Variants in FAM168B observed in about 807,000 individuals in gnomAD.
FAM168B encodes myelin-associated neurite-outgrowth inhibitor.
Under a neutral mutation model 21.8 loss-of-function variants are expected in FAM168B, and 19 were observed. The ratio of observed to expected loss-of-function variants is 0.87; its 90% CI spans 0.61 to 1.28. The LOEUF is 1.28. Ranked by LOEUF, FAM168B falls within the 50% of genes most tolerant of loss-of-function variation. The pLI, the probability that FAM168B is intolerant of heterozygous loss-of-function variation, is 0.00. For synonymous variants in FAM168B, 126 were observed against 104.8 expected, an observed-to-expected ratio of 1.20 and a Z score of -1.24; for missense variants, 233 against 263.1, an observed-to-expected ratio of 0.89 and a Z score of 0.79.
chr2:131,079,008 T>C (rs1693304984), intron 2 of FAM168B, among the ~76,000 whole-genome samples: 1 of 151,538 alleles, frequency 6.6e-6, no homozygotes. Context: ...AAAAAATTAT[T>C]TTGACAGAAA....
intron 6 of FAM168B, 47 bp from the exon 7 acceptor site, chr2:131,052,499 A>G: frequency 9.9e-7 from 1 of 1,011,952 alleles, no homozygotes; most frequent in Non-Finnish European, 1.2e-6. Context: ...CTCTTCCGGC[A>G]CCGCTATTCC....
intron 1 of FAM168B, among the ~76,000 whole-genome samples, chr2:131,084,271 C>T (rs1693573376): frequency 7.2e-6 from 1 of 138,062 alleles, no homozygotes; most frequent in African/African-American, 2.7e-5. Context: ...CTCACTGCAA[C>T]CTTGACCTCC....
rs149056011 is a variant in FAM168B at position 131,071,023 on chromosome 2, A to G, written c.154+832T>C. Reference sequence around the variant, plus strand: ...TCAGGGTGTGAACTACGGTCTGAACAAGGGTGGTCATATAGGGTCATAGTG... The same window carrying G: ...TCAGGGTGTGAACTACGGTCTGAACGAGGGTGGTCATATAGGGTCATAGTG... On this transcript the variant is annotated intron_variant, in intron 3 of 6. Transcript: ENST00000389915. Among the ~76,000 whole-genome samples, 661 of 152,348 alleles carry G rather than the reference A, an allele frequency of 4.3e-3. 5 individuals are homozygous for G. Among genetic ancestry groups the G allele is most frequent in the African/African-American group, 0.015 (608 of 41,574 alleles).
At chr2:131,088,708 AAG>A (rs1284800909) in intron 1 of FAM168B, among the ~76,000 whole-genome samples, 2 of 152,260 alleles carry the variant, frequency 1.3e-5, no homozygotes, top group Non-Finnish European at 1.5e-5. Flanking sequence ...TTTCTACAAA[AAG>A]AGCAAATAAT....
At position 131,049,293 on chromosome 2, in the gene FAM168B, C is replaced by A. The variant is rs974608773; in HGVS notation, c.*3172G>T. The A allele has an allele frequency of 3.2e-5, 32 of 985,428 alleles. No homozygotes were observed. In the African/African-American group the frequency reaches 5.6e-4, roughly 17 times the overall value. The allele number at this position is 985,428 out of a possible 1,614,324, so 61.0% of individuals were successfully genotyped here. A position where few individuals can be genotyped will look rare whatever the true frequency, so the allele number is the denominator to read the frequency against. ...CAGCTGGGGAAGGGCAAGACACTCA[C>A]TGACCAGGTGCCCACCCCAAGGCTC... is the stretch of plus-strand genomic sequence containing the variant. On this transcript the variant is annotated 3_prime_UTR_variant, in exon 7 of 7. Transcript: ENST00000389915.
Position 131,082,635 on chromosome 2 carries a change from A to C in FAM168B, c.12T>G (p.Val4=). ...GAACCCCAGAAGATCCAGGACTATAAACAGGATTCATGATTTCAAAAACTA... is the reference window on the plus strand; with the variant it reads ...GAACCCCAGAAGATCCAGGACTATACACAGGATTCATGATTTCAAAAACTA... MNP[V]YSPGSSGVPY... is the part of the protein sequence containing the mutation. Residue 4 remains valine (V), a synonymous_variant, in exon 2 of 7, where the codon GTT becomes GTG. Coordinates refer to ENST00000389915, the MANE Select transcript of FAM168B (RefSeq NM_001009993.4). 6.2e-7 allele frequency: 1 copy of C among 1,605,428 alleles called. No individual in the cohort carries two copies. Among genetic ancestry groups the C allele is most frequent in the Non-Finnish European group, 8.5e-7 (1 of 1,177,150 alleles).
chr2:131,084,323 G>A (rs1693575473), intron 1 of FAM168B, among the ~76,000 whole-genome samples: 1 of 151,114 alleles, frequency 6.6e-6, no homozygotes, highest in South Asian at 2.1e-4. Flanking sequence ...CCTAGGAGCT[G>A]GGACTACAGG....
At chr2:131,090,965 C>T (rs1415588073) in intron 1 of FAM168B, among the ~76,000 whole-genome samples, 1 of 152,194 alleles carries the variant, frequency 6.6e-6, no homozygotes, top group Admixed American at 6.5e-5. Flanking sequence ...CACCTGACCT[C>T]GTGATATGCC....
At chr2:131,092,717 G>A (rs1694095817) in intron 1 of FAM168B, among the ~76,000 whole-genome samples, 1 of 152,106 alleles carries the variant, frequency 6.6e-6, no homozygotes, top group Non-Finnish European at 1.5e-5. Flanking sequence ...GCTAGGCCAC[G>A]AAACGTCCTT....
intron 3 of FAM168B, among the ~76,000 whole-genome samples, chr2:131,060,314 G>A (rs983290168): frequency 3.3e-5 from 5 of 152,270 alleles, no homozygotes; most frequent in East Asian, 1.9e-4. Context: ...GTGAGCCACC[G>A]CGCCCGGCCG....
intron 3 of FAM168B, among the ~76,000 whole-genome samples, chr2:131,067,952 G>A (rs1011804162): frequency 5.3e-5 from 8 of 152,116 alleles, no homozygotes; most frequent in Non-Finnish European, 7.3e-5. Context: ...GGGATGCTGC[G>A]TTGGGAAAAT....
In FAM168B at chr2:131,055,769, G is replaced by A. The variant is rs1276165925; in HGVS notation, c.155-74C>T. 1.6e-5 allele frequency: 25 copies of A among 1,547,460 alleles called. No homozygotes were observed. The East Asian group carries it at 5.0e-4, about 31-fold the overall frequency. ...GCAGGGAGAGGACACAGGCAGGGAG[G>A]AGCTAAGCTGCGTGTCAGCCCCACG... On this transcript the variant is annotated intron_variant, in intron 3 of 6. Coordinates refer to ENST00000389915, the MANE Select transcript of FAM168B (RefSeq NM_001009993.4).
At chr2:131,078,258 A>G (rs557397858) in intron 2 of FAM168B, among the ~76,000 whole-genome samples, 26 of 152,352 alleles carry the variant, frequency 1.7e-4, no homozygotes, top group African/African-American at 6.0e-4. Context: ...ACTCAGTAGT[A>G]TGTTGGAAAA....
chr2:131,067,886 A>G (rs2105508819), intron 3 of FAM168B, among the ~76,000 whole-genome samples: 1 of 152,316 alleles, frequency 6.6e-6, no homozygotes, highest in Admixed American at 6.5e-5. Context: ...AGGGAGTTAT[A>G]AAATTCAAAA....
At position 131,050,499 on chromosome 2, in the gene FAM168B, C is replaced by T. The variant is rs1691596859; in HGVS notation, c.*1966G>A. ...TGTGCCTGCGGTAAATGTCTGCCCC[C>T]ACACATAGACACTAAGATGGATTAA... is the stretch of plus-strand genomic sequence containing the variant. On this transcript the variant is annotated 3_prime_UTR_variant, in exon 7 of 7. Transcript: ENST00000389915. 2.0e-6 allele frequency: 2 copies of T among 985,758 alleles called. No individual in the cohort carries two copies. The highest frequency in any genetic ancestry group is 2.4e-6 in the Non-Finnish European group (2 of 829,938). The allele number at this position is 985,758 out of a possible 1,614,324, so 61.1% of individuals were successfully genotyped here.
At chr2:131,074,138 CT>C (rs144312207) in intron 2 of FAM168B, among the ~76,000 whole-genome samples, 2 of 151,246 alleles carry the variant, frequency 1.3e-5, no homozygotes, top group African/African-American at 2.4e-5. Flanking sequence ...AGTATTCTCT[CT>C]TTTTTTTTGA....
At chr2:131,088,966 T>C (rs1229973718) in intron 1 of FAM168B, among the ~76,000 whole-genome samples, 1 of 83,954 alleles carries the variant, frequency 1.2e-5, no homozygotes, top group African/African-American at 1.1e-4. Flanking sequence ...AGCGTACCAC[T>C]TTTTTTTTTT....
At chr2:131,083,399 G>C (rs1320491534) in intron 1 of FAM168B, among the ~76,000 whole-genome samples, 2 of 152,164 alleles carry the variant, frequency 1.3e-5, no homozygotes, top group African/African-American at 4.8e-5. Context: ...AATTAGCCAA[G>C]TGTGGTGACG....
At chr2:131,080,869 T>G (rs1693397983) in intron 2 of FAM168B, among the ~76,000 whole-genome samples, 1 of 151,682 alleles carries the variant, frequency 6.6e-6, no homozygotes, top group Admixed American at 6.6e-5. Flanking sequence ...AGACGGGGTT[T>G]CAGTGTTAGC....
Sources: gnomAD v4.1 joint callset for allele counts (sites outside exome capture counted in the v4.1 genomes callset) on GRCh38, gnomAD v4.1.1 for gene constraint, MANE v1.5 for transcripts, NCBI Gene and HGNC (gene_info 2026-07-23, HGNC 2026-07-21) for gene names.